Variants in INO80 observed in about 807,000 individuals in gnomAD.
INO80 encodes INO80 complex ATPase subunit, also known as chromatin-remodeling ATPase INO80.
A neutral mutation model predicts 203.4 loss-of-function variants in INO80; 20 were observed. That is an observed-to-expected ratio of 0.10 (90% CI 0.07 to 0.14). The LOEUF (loss-of-function observed/expected upper bound fraction) is 0.14. Ranked by LOEUF, INO80 falls within the 10% of genes least tolerant of loss-of-function variation. The pLI, the probability that INO80 is intolerant of heterozygous loss-of-function variation, is 1.00. For synonymous variants in INO80, 726 were observed against 685.2 expected (o/e 1.06, Z -0.93); for missense variants, 1,419 against 1,914.4 (o/e 0.74, Z 4.83).
chr15:41,071,769 T>C (rs1182362481), intron 12 of INO80, 80 bp downstream of exon 12: 12 of 1,301,784 alleles, frequency 9.2e-6, no homozygotes, highest in African/African-American at 2.9e-5. Flanking sequence ...CCAGATCTTG[T>C]ACTCATTTCA....
chr15:40,998,195 A>G (rs2043907328), intron 28 of INO80, among the ~76,000 whole-genome samples: 1 of 151,590 alleles, frequency 6.6e-6, no homozygotes, highest in African/African-American at 2.4e-5. Context: ...CTAATTTTTA[A>G]TATTTTTAGT....
intron 29 of INO80, among the ~76,000 whole-genome samples, chr15:40,993,890 TTA>T (rs1221585978): frequency 6.6e-6 from 1 of 152,222 alleles, no homozygotes; most frequent in Admixed American, 6.5e-5. Context: ...ATCTTCCTGT[TTA>T]TGTCTCCTTG....
intron 10 of INO80, 86 bp downstream of exon 10, chr15:41,074,284 A>T: frequency 2.1e-6 from 2 of 936,234 alleles, no homozygotes; most frequent in Admixed American, 5.4e-5. Context: ...ATGAATCAAT[A>T]AAAAATTCGC....
At chr15:41,093,891 T>A (rs893752967) in intron 4 of INO80, among the ~76,000 whole-genome samples, 4 of 152,164 alleles carry the variant, frequency 2.6e-5, no homozygotes, top group Admixed American at 6.5e-5. Flanking sequence ...GTGAATTTTA[T>A]GACAATGAAT....
At chr15:41,110,600 G>A (rs1199257957) in intron 1 of INO80, among the ~76,000 whole-genome samples, 5 of 152,014 alleles carry the variant, frequency 3.3e-5, no homozygotes, top group Admixed American at 1.3e-4. Context: ...CACCACACCC[G>A]GCTAATTTTT....
chr15:41,017,344 G>C (rs2044226248), intron 26 of INO80: 1 of 152,202 alleles, frequency 6.6e-6, no homozygotes, highest in African/African-American at 2.4e-5. Flanking sequence ...ATTAAGAGGG[G>C]AAGAGTTTAG....
At chr15:41,004,144 T>C (rs1014145503) in intron 28 of INO80, among the ~76,000 whole-genome samples, 5 of 152,210 alleles carry the variant, frequency 3.3e-5, no homozygotes, top group African/African-American at 1.2e-4. Flanking sequence ...TAGCTTCCGC[T>C]AGGTGAGAAG....
intron 24 of INO80, among the ~76,000 whole-genome samples, chr15:41,038,546 T>C (rs1388650381): frequency 6.6e-6 from 1 of 152,214 alleles, no homozygotes; most frequent in Admixed American, 6.5e-5. Flanking sequence ...TCTTTAGTTT[T>C]TGCTTTAAAC....
intron 24 of INO80, among the ~76,000 whole-genome samples, chr15:41,030,976 C>T (rs1483752323): frequency 1.3e-5 from 2 of 152,160 alleles, no homozygotes; most frequent in African/African-American, 4.8e-5. Flanking sequence ...GGCTCATTCA[C>T]TTATTTTTTA....
Position 40,997,583 on chromosome 15 carries a change from G to T in INO80, c.3516C>A (p.Phe1172Leu). ...DFQNRNDIFVFLLSTRAGGLG... is the reference protein window; with the variant it reads ...DFQNRNDIFVLLLSTRAGGLG... ...GTCCTCCAGCTCGTGTGCTTAACAG[G>T]AACACAAAGATGTCATTCCTGCAGA... The change falls in exon 29 of 36, where the codon TTC becomes TTA. Residue 1172 changes from phenylalanine (F) to leucine (L), a missense_variant. Physicochemically the swap from Phe to Leu is conservative, Grantham distance 22. This residue lies in a region of INO80 where 65 missense variants were observed against 186.7 expected (regional missense o/e 0.35). Coordinates refer to ENST00000648947, the MANE Select transcript of INO80 (RefSeq NM_017553.3). 1 of 1,611,506 alleles carries T rather than the reference G, an allele frequency of 6.2e-7. No individual in the cohort carries two copies. Among genetic ancestry groups the T allele is most frequent in the South Asian group, 1.1e-5 (1 of 90,996 alleles).
At chr15:41,026,689 G>A (rs892969550) in intron 25 of INO80, among the ~76,000 whole-genome samples, 1 of 152,126 alleles carries the variant, frequency 6.6e-6, no homozygotes, top group Non-Finnish European at 1.5e-5. Flanking sequence ...CCTGGCTAAC[G>A]GAAAGTTGCC....
intron 1 of INO80, among the ~76,000 whole-genome samples, chr15:41,099,255 A>C (rs1408309325): frequency 2.9e-5 from 4 of 135,636 alleles, no homozygotes; most frequent in African/African-American, 1.1e-4. Flanking sequence ...AAAAAAAAAA[A>C]AAAAAAAAAA....
rs577349568 is a variant in INO80, at chr15:41,092,846, C to T, written c.382-664G>A. ...CCCAGGCATGAGGATTGCTTGAGGCCGGGAGTTCGAGACTAGCTTGGGCAA... is the reference window on the plus strand; with the variant it reads ...CCCAGGCATGAGGATTGCTTGAGGCTGGGAGTTCGAGACTAGCTTGGGCAA... On this transcript the variant is annotated intron_variant, in intron 4 of 35. Coordinates refer to ENST00000648947, the MANE Select transcript of INO80 (RefSeq NM_017553.3). Among the ~76,000 whole-genome samples, 5 of 152,138 alleles carry T rather than the reference C, an allele frequency of 3.3e-5. No individual in the cohort carries two copies. The South Asian group carries it at 6.2e-4, about 19-fold the overall frequency.
At chr15:41,112,595 T>C (rs2045972308) in intron 1 of INO80, among the ~76,000 whole-genome samples, 1 of 151,922 alleles carries the variant, frequency 6.6e-6, no homozygotes, top group African/African-American at 2.4e-5. Flanking sequence ...GAGACCATCC[T>C]GGCCAAACAT....
At chr15:41,079,230 T>C (rs1426103734) in intron 9 of INO80, among the ~76,000 whole-genome samples, 2 of 152,154 alleles carry the variant, frequency 1.3e-5, no homozygotes, top group African/African-American at 4.8e-5. Context: ...GGCCCTGAAT[T>C]TGGCATCTAT....
intron 25 of INO80, among the ~76,000 whole-genome samples, chr15:41,026,628 G>A (rs772626498): frequency 3.3e-5 from 5 of 152,026 alleles, no homozygotes; most frequent in Non-Finnish European, 7.4e-5. Flanking sequence ...GATGAGTGGA[G>A]AAACAAGAGA....
intron 24 of INO80, among the ~76,000 whole-genome samples, chr15:41,029,385 T>C (rs935143483): frequency 2.0e-5 from 3 of 152,244 alleles, no homozygotes; most frequent in African/African-American, 7.2e-5. Flanking sequence ...TGCACTGTTA[T>C]CTGTTTCCCT....
At chr15:41,043,206 T>A (rs898762397) in intron 24 of INO80, among the ~76,000 whole-genome samples, 1 of 152,142 alleles carries the variant, frequency 6.6e-6, no homozygotes, top group African/African-American at 2.4e-5. Context: ...GGTGTCCATA[T>A]AACAGGGAAC....
intron 29 of INO80, among the ~76,000 whole-genome samples, chr15:40,990,876 G>A (rs781438202): frequency 1.3e-4 from 20 of 152,032 alleles, no homozygotes; most frequent in Non-Finnish European, 2.1e-4. Context: ...TCTGGTTCAT[G>A]TTGTCCCATG....
Sources: gnomAD v4.1 joint callset for allele counts (sites outside exome capture counted in the v4.1 genomes callset) on GRCh38, gnomAD v4.1.1 for gene constraint, gnomAD v4.1.1 regional missense constraint, MANE v1.5 for transcripts, NCBI Gene and HGNC (gene_info 2026-07-23, HGNC 2026-07-21) for gene names.